Variants in FBXO7 observed in about 807,000 individuals in gnomAD.
The protein encoded by FBXO7 is F-box protein 7.
FBXO7 carries 31 observed loss-of-function variants against 50.2 expected under a neutral mutation model. That is an observed-to-expected ratio of 0.62 (90% confidence interval 0.46 to 0.83). FBXO7 has a LOEUF of 0.83. FBXO7 is among the 40% of genes least tolerant of loss of function. The pLI, the probability that FBXO7 is intolerant of heterozygous loss-of-function variation, is 0.00. For synonymous variants in FBXO7, 256 were observed against 253.1 expected (o/e 1.01, Z -0.11); for missense variants, 667 against 646.6 (o/e 1.03, Z -0.34).
chr22:32,493,367 T>A, intron 7 of FBXO7, 86 bp downstream of exon 7: 1 of 1,111,200 alleles, frequency 9.0e-7, no homozygotes, highest in Admixed American at 1.7e-5. Context: ...TTGTAGGATT[T>A]TTCTGTTGCA....
chr22:32,481,882 C>CTTT (rs11392505), intron 2 of FBXO7, among the ~76,000 whole-genome samples: 1 of 148,382 alleles, frequency 6.7e-6, no homozygotes, highest in African/African-American at 2.5e-5. Context: ...TGGTGCTCAC[C>CTTT]TTTTTTTTTT....
chr22:32,484,301 T>C (rs2057484616), intron 3 of FBXO7, among the ~76,000 whole-genome samples, 177 bp downstream of exon 3: 1 of 152,218 alleles, frequency 6.6e-6, no homozygotes. Flanking sequence ...CAGGAATTCA[T>C]GGAGGAGAAC....
At chr22:32,486,005 G>T (rs1369213550) in intron 4 of FBXO7, among the ~76,000 whole-genome samples, 1 of 152,034 alleles carries the variant, frequency 6.6e-6, no homozygotes, top group Non-Finnish European at 1.5e-5. Flanking sequence ...TGCGTTTGTT[G>T]TTTTTTTATT....
intron 1 of FBXO7, chr22:32,475,962 GAGTGGTCCT>G (rs1333770054): frequency 1.3e-5 from 2 of 152,264 alleles, no homozygotes; most frequent in Admixed American, 1.3e-4. Context: ...GGCAAGGTAA[GAGTGGTCCT>G]CTTCAAATAC....
At position 32,479,267 on chromosome 22, in the gene FBXO7, G is replaced by A. The variant is rs759149288; in HGVS notation, c.409G>A (p.Asp137Asn). The change falls in exon 2 of 9, where the codon GAC (aspartate) becomes AAC (asparagine). Residue 137 changes from aspartate to asparagine, a missense_variant. Transcript: ENST00000266087. ...QAAQSGVWNDDSMLGPSQNFE... is the reference protein window; with the variant it reads ...QAAQSGVWNDNSMLGPSQNFE... ...AGCCCAGTCTGGTGTTTGGAATGAC[G>A]ACAGTATGGTGGGTATTAAACACCA... 1.2e-5 allele frequency: 19 copies of A among 1,613,978 alleles called. No individual in the cohort carries two copies. The highest frequency in any genetic ancestry group is 4.5e-5 in the East Asian group (2 of 44,898).
At chr22:32,494,636 T>C (rs1412813645) in intron 7 of FBXO7, among the ~76,000 whole-genome samples, 3 of 152,184 alleles carry the variant, frequency 2.0e-5, no homozygotes, top group Admixed American at 2.0e-4. Flanking sequence ...CTGATGTATA[T>C]GGAAGCACCG....
intron 2 of FBXO7, 50 bp downstream of exon 2, chr22:32,479,325 T>C: frequency 6.5e-7 from 1 of 1,537,516 alleles, no homozygotes; most frequent in East Asian, 2.3e-5. Context: ...TAAGTCATAT[T>C]GAACACCTCA....
At position 32,485,074 on chromosome 22, in the gene FBXO7, G is replaced by A. The variant is rs376214763; in HGVS notation, c.652G>A (p.Glu218Lys). 6.4e-5 allele frequency: 103 copies of A among 1,614,042 alleles called. No individual in the cohort carries two copies. The highest frequency in any genetic ancestry group is 3.5e-4 in the South Asian group (32 of 91,078). The change falls in exon 4 of 9, where the codon GAA becomes AAA. Residue 218 changes from glutamate to lysine, a missense_variant. Coordinates refer to ENST00000266087, the MANE Select transcript of FBXO7 (RefSeq NM_012179.4). Reference sequence around the variant, plus strand: ...CTTTCATTTCGTTCCCCAGGGCACCGAAGCCAAAGCACTGTCCATGCCGGA... The same window carrying A: ...CTTTCATTTCGTTCCCCAGGGCACCAAAGCCAAAGCACTGTCCATGCCGGA... ...LESGYIPQGT[E>K]AKALSMPEKW... is the part of the protein sequence containing the mutation.
intron 6 of FBXO7, chr22:32,492,715 G>T (rs2057545289): frequency 3.8e-6 from 1 of 264,180 alleles, no homozygotes; most frequent in Non-Finnish European, 7.4e-6. Context: ...TTAATAACTG[G>T]CATGGAAACA....
At chr22:32,494,682 G>A (rs1363773662) in intron 7 of FBXO7, among the ~76,000 whole-genome samples, 2 of 151,874 alleles carry the variant, frequency 1.3e-5, no homozygotes, top group African/African-American at 4.8e-5. Flanking sequence ...ACTTATAAAA[G>A]CAACAAATAC....
At chr22:32,487,902 T>C in intron 5 of FBXO7, 74 bp downstream of exon 5, 2 of 939,798 alleles carry the variant, frequency 2.1e-6, no homozygotes, top group Non-Finnish European at 3.4e-6. Flanking sequence ...TGAAAGATAA[T>C]GTTCAAAAGA....
In FBXO7 at chr22:32,484,081, T is replaced by C. The variant is rs1390492272; in HGVS notation, c.602T>C (p.Val201Ala). 1 of 1,614,216 alleles carries C rather than the reference T, an allele frequency of 6.2e-7. No homozygotes were observed. Among genetic ancestry groups the C allele is most frequent in the East Asian group, 2.2e-5 (1 of 44,868 alleles). The part of the protein sequence containing the change: ...DCSDANDALI[V>A]LIHLLMLESG... The stretch of plus-strand genomic sequence containing the variant: ...TCTGATGCCAATGATGCCTTGATAG[T>C]GTTGATACATCTTCTCATGTTGGAG... The change falls in exon 3 of 9, where the codon GTG (valine) becomes GCG (alanine). Residue 201 changes from valine (V) to alanine (A), a missense_variant. Val to Ala is a moderately conservative substitution (Grantham distance 64). Coordinates refer to ENST00000266087, the MANE Select transcript of FBXO7 (RefSeq NM_012179.4).
chr22:32,495,337 A>G lies in FBXO7; in HGVS notation c.1145-156A>G, dbSNP rs150482376. Among the ~76,000 whole-genome samples, 2,785 of 151,638 alleles carry G rather than the reference A, an allele frequency of 0.018. 33 individuals carry two copies. Among genetic ancestry groups the G allele is most frequent in the Non-Finnish European group, 0.029 (1,956 of 67,954 alleles). Reference sequence around the variant, plus strand: ...TGTTTGAATTAGATAAGAAAGTACAAATGATATAGTGTGTGTTATATAAAT... The same window carrying G: ...TGTTTGAATTAGATAAGAAAGTACAGATGATATAGTGTGTGTTATATAAAT... On this transcript the variant is annotated intron_variant, in intron 7 of 8. Coordinates refer to ENST00000266087, the MANE Select transcript of FBXO7 (RefSeq NM_012179.4).
chr22:32,498,531 T>C lies in FBXO7; in HGVS notation c.*1T>C, dbSNP rs751984568. On this transcript the variant is annotated 3_prime_UTR_variant, in exon 9 of 9. Transcript: ENST00000266087. ...TGATGGCCGGCTGTCATTCATGTGA[T>C]TGATTTGTAATTTCATTTCTGGAGC... 3.2e-5 allele frequency: 52 copies of C among 1,611,954 alleles called. No homozygotes were observed. Among genetic ancestry groups the C allele is most frequent in the Non-Finnish European group, 4.1e-5 (48 of 1,179,902 alleles).
At chr22:32,485,824 CTGTGTT>C in intron 4 of FBXO7, among the ~76,000 whole-genome samples, 1 of 151,998 alleles carries the variant, frequency 6.6e-6, no homozygotes, top group East Asian at 1.9e-4. Flanking sequence ...CATTCCATCT[CTGTGTT>C]TTAGTTCAGG....
intron 2 of FBXO7, among the ~76,000 whole-genome samples, chr22:32,481,697 TTAAA>T (rs1463636058): frequency 2.6e-5 from 4 of 152,230 alleles, no homozygotes; most frequent in African/African-American, 9.6e-5. Context: ...ACTCTTGTAA[TTAAA>T]TATCAGTTTT....
chr22:32,480,719 G>T (rs2057459283), intron 2 of FBXO7, among the ~76,000 whole-genome samples: 1 of 151,216 alleles, frequency 6.6e-6, no homozygotes, highest in Non-Finnish European at 1.5e-5. Flanking sequence ...ACCCAGGCTG[G>T]AGTGCAGTGG....
In FBXO7 at chr22:32,484,024, C is replaced by T. The variant is rs1247714633; in HGVS notation, c.545C>T (p.Ser182Leu). The T allele has an allele frequency of 1.2e-6, 2 of 1,614,194 alleles. No homozygotes were observed. Among genetic ancestry groups the T allele is most frequent in the Non-Finnish European group, 1.7e-6 (2 of 1,180,026 alleles). ...TCGGTGGAAGGGCAAGTGCCACATTCATTAGAGACCTTGTATCAATCAGCT... is the reference window on the plus strand; with the variant it reads ...TCGGTGGAAGGGCAAGTGCCACATTTATTAGAGACCTTGTATCAATCAGCT... ...SESVEGQVPH[S>L]LETLYQSADC... is the part of the protein sequence containing the mutation. The change falls in exon 3 of 9, where the codon TCA becomes TTA. Residue 182 changes from serine to leucine, a missense_variant. Transcript: ENST00000266087.
intron 7 of FBXO7, 83 bp from the exon 8 acceptor site, chr22:32,495,410 C>A: frequency 8.5e-6 from 6 of 702,920 alleles, no homozygotes; most frequent in Non-Finnish European, 1.4e-5. Context: ...TTTCACTTTT[C>A]TTAGGAGAAA....
Sources: allele counts gnomAD v4.1 joint callset (sites outside exome capture counted in the v4.1 genomes callset), GRCh38; gene constraint gnomAD v4.1.1; transcripts MANE v1.5; gene names NCBI Gene and HGNC (gene_info 2026-07-23, HGNC 2026-07-21).